CSMD3: variants seen among roughly 807,000 people sequenced by gnomAD.
CSMD3 encodes the protein CUB and Sushi multiple domains 3.
CSMD3 carries 177 observed loss-of-function variants against 435.2 expected under a neutral mutation model. That is an observed-to-expected ratio of 0.41 (90% CI 0.36 to 0.46). The LOEUF is 0.46. Among genes scored for constraint, CSMD3 ranks in the 20% least tolerant of loss-of-function variants. The probability of loss-of-function intolerance (pLI) is 0.34; values close to 1 mark genes in which losing one functional copy is unlikely to be tolerated. For synonymous variants in CSMD3, 1,656 were observed against 1,520.5 expected, an observed-to-expected ratio of 1.09 and a Z score of -2.07; for missense variants, 4,265 against 4,504.6, an observed-to-expected ratio of 0.95 and a Z score of 1.52.
At chr8:113,067,483 T>G (rs957758990) in intron 5 of CSMD3, among the ~76,000 whole-genome samples, 9 of 152,152 alleles carry the variant, frequency 5.9e-5, no homozygotes, top group African/African-American at 2.2e-4. Flanking sequence ...CTAAAATTTA[T>G]ATAGTGTAAA....
At chr8:112,261,871 A>AT (rs1457716042) in intron 61 of CSMD3, among the ~76,000 whole-genome samples, 1 of 151,862 alleles carries the variant, frequency 6.6e-6, no homozygotes, top group Non-Finnish European at 1.5e-5. Context: ...CTGTCCAGGT[A>AT]TTTTGACCAT....
At chr8:113,415,094 T>G (rs969816816) in intron 1 of CSMD3, among the ~76,000 whole-genome samples, 9 of 152,190 alleles carry the variant, frequency 5.9e-5, no homozygotes, top group African/African-American at 2.2e-4. Flanking sequence ...GAAGAAGCTA[T>G]GTTGCAATTT....
At chr8:113,409,079 C>CTTTTTTTTTTTTTTTTTTTT (rs1218107775) in intron 1 of CSMD3, among the ~76,000 whole-genome samples, 1 of 99,068 alleles carries the variant, frequency 1.0e-5, no homozygotes, top group Admixed American at 1.4e-4. Context: ...TCTTCTTCTT[C>CTTTTTTTTTTTTTTTTTTTT]TTTTTTTTTT....
intron 13 of CSMD3, among the ~76,000 whole-genome samples, chr8:112,789,236 A>G (rs1416975527): frequency 6.6e-6 from 1 of 152,104 alleles, no homozygotes; most frequent in African/African-American, 2.4e-5. Context: ...TCATACAAAG[A>G]ACATTTGTCC....
chr8:112,588,743 T>C (rs1830936672), intron 22 of CSMD3, among the ~76,000 whole-genome samples: 1 of 152,164 alleles, frequency 6.6e-6, no homozygotes, highest in African/African-American at 2.4e-5. Flanking sequence ...TGAAGTTTGT[T>C]ATACCTTTAA....
At chr8:112,671,051 C>T (rs1024602634) in intron 16 of CSMD3, among the ~76,000 whole-genome samples, 2 of 152,080 alleles carry the variant, frequency 1.3e-5, no homozygotes, top group Admixed American at 6.6e-5. Context: ...CTTCCTCTCA[C>T]CTAAGTGTGT....
At chr8:112,303,447 C>A (rs1821117701) in intron 52 of CSMD3, among the ~76,000 whole-genome samples, 2 of 152,076 alleles carry the variant, frequency 1.3e-5, no homozygotes, top group Non-Finnish European at 2.9e-5. Flanking sequence ...GCAATCACAG[C>A]TACTGCAGAG....
intron 16 of CSMD3, 26 bp from the exon 17 acceptor site, chr8:112,666,441 GA>G (rs780796892): frequency 2.5e-6 from 4 of 1,603,950 alleles, no homozygotes; most frequent in Middle Eastern, 1.6e-4. Flanking sequence ...AGACAAGTAA[GA>G]ATAAAACATT....
chr8:113,295,877 G>A (rs1442187318), intron 2 of CSMD3, among the ~76,000 whole-genome samples: 1 of 152,142 alleles, frequency 6.6e-6, no homozygotes, highest in Non-Finnish European at 1.5e-5. Flanking sequence ...ATTCACAATA[G>A]CAAAGACCTG....
chr8:112,741,787 TAGAGAGA>T (rs72253779), intron 13 of CSMD3, among the ~76,000 whole-genome samples: 3 of 111,006 alleles, frequency 2.7e-5, no homozygotes, highest in African/African-American at 1.1e-4. Flanking sequence ...GATAGATAGA[TAGAGAGA>T]AGATAGATAG....
At chr8:112,768,433 A>C (rs965056874) in intron 13 of CSMD3, among the ~76,000 whole-genome samples, 1 of 152,092 alleles carries the variant, frequency 6.6e-6, no homozygotes, top group African/African-American at 2.4e-5. Context: ...GACTAAAAGT[A>C]AAGCTCACCA....
intron 22 of CSMD3, among the ~76,000 whole-genome samples, chr8:112,635,079 T>A (rs940813258): frequency 4.6e-5 from 7 of 152,062 alleles, no homozygotes; most frequent in African/African-American, 1.4e-4. Flanking sequence ...ATGTTAGCGT[T>A]TTATAAAATG....
chr8:113,072,188 C>T (rs991003499), intron 5 of CSMD3, among the ~76,000 whole-genome samples: 3 of 151,596 alleles, frequency 2.0e-5, no homozygotes, highest in Admixed American at 1.3e-4. Flanking sequence ...TTTTTTCATT[C>T]TAACAGATAA....
chr8:112,509,086 C>CTTT lies in CSMD3; in HGVS notation c.4757-2260_4757-2258dup, dbSNP rs758083076. ...TACTTAGAGAGTCTAGATTAGATGT[C>CTTT]TTTTTTTTTTTTTTTTTCGATACAG... On this transcript the variant is annotated intron_variant, in intron 28 of 70. Coordinates refer to ENST00000297405, the MANE Select transcript of CSMD3 (RefSeq NM_198123.2). Among the ~76,000 whole-genome samples the CTTT allele has an allele frequency of 2.2e-3, 293 of 132,486 alleles. 1 individual carries two copies. Among genetic ancestry groups the CTTT allele is most frequent in the African/African-American group, 7.7e-3 (279 of 36,292 alleles). 86.9% of individuals were successfully genotyped at this position (132,486 alleles called of 152,430 possible). A position where few individuals can be genotyped will look rare whatever the true frequency, so the allele number is the denominator to read the frequency against.
At chr8:112,580,694 G>T (rs192316082) in intron 23 of CSMD3, among the ~76,000 whole-genome samples, 1 of 152,170 alleles carries the variant, frequency 6.6e-6, no homozygotes, top group Non-Finnish European at 1.5e-5. Context: ...TAGATGCAAA[G>T]AGGTTTTGCA....
At chr8:112,563,966 TA>T (rs1183344366) in intron 24 of CSMD3, among the ~76,000 whole-genome samples, 1 of 151,874 alleles carries the variant, frequency 6.6e-6, no homozygotes, top group African/African-American at 2.4e-5. Context: ...ACTTTTAAAC[TA>T]AAAAAGAATT....
Position 112,318,816 on chromosome 8 carries a change from A to G in CSMD3, c.7360+21T>C, listed in dbSNP as rs372079776. The G allele has an allele frequency of 1.4e-4, 214 of 1,479,888 alleles. 1 individual carries two copies. The highest frequency in any genetic ancestry group is 8.6e-4 in the Middle Eastern group (5 of 5,824). The allele number at this position is 1,479,888 out of a possible 1,614,324, so 91.7% of individuals were successfully genotyped here. On this transcript the variant is annotated intron_variant, in intron 47 of 70. Coordinates refer to ENST00000297405, the MANE Select transcript of CSMD3 (RefSeq NM_198123.2). ...AAAGCAAATATTTAAGAAATAAATA[A>G]TCATAGGAACCATTGAATACCTTGA...
chr8:112,650,650 T>C (rs2075101960), intron 18 of CSMD3, among the ~76,000 whole-genome samples: 1 of 152,188 alleles, frequency 6.6e-6, no homozygotes, highest in Non-Finnish European at 1.5e-5. Flanking sequence ...ATCATAGCAA[T>C]AGTCAACATT....
At chr8:113,097,293 T>G (rs2090193398) in intron 5 of CSMD3, among the ~76,000 whole-genome samples, 1 of 152,108 alleles carries the variant, frequency 6.6e-6, no homozygotes, top group Admixed American at 6.6e-5. Flanking sequence ...TTAATGTTTA[T>G]TCAACAAATA....
Sources: allele counts gnomAD v4.1 joint callset (sites outside exome capture counted in the v4.1 genomes callset), GRCh38; gene constraint gnomAD v4.1.1; transcripts MANE v1.5; gene names NCBI Gene and HGNC (gene_info 2026-07-23, HGNC 2026-07-21).